DNM1L: variants seen among roughly 807,000 people sequenced by gnomAD.
DNM1L encodes the protein dynamin 1L.
DNM1L carries 33 observed loss-of-function variants against 92.8 expected under a neutral mutation model. The ratio of observed to expected loss-of-function variants is 0.36; its 90% CI spans 0.27 to 0.48. The LOEUF is 0.48. Ranked by LOEUF, DNM1L falls within the 20% of genes least tolerant of loss-of-function variation. The probability of loss-of-function intolerance (pLI) is 0.99; values close to 1 mark genes in which losing one functional copy is unlikely to be tolerated. For missense variants in DNM1L, 485 were observed against 888.8 expected (o/e 0.55, Z 5.78); for synonymous variants, 284 against 305.0 (o/e 0.93, Z 0.72).
At chr12:32,734,269 A>C (rs867820721) in intron 13 of DNM1L, among the ~76,000 whole-genome samples, 5 of 152,212 alleles carry the variant, frequency 3.3e-5, no homozygotes, top group East Asian at 1.9e-4. Flanking sequence ...TTAATGTAAC[A>C]AATTGAATAA....
rs866495674 is a variant in DNM1L at position 32,716,732 on chromosome 12, A to T, written c.620-1911A>T. ...TATACTATATATAGAGTATATATAC[A>T]CTATATATAGTATATATATATATAT... On this transcript the variant is annotated intron_variant, in intron 6 of 19. Coordinates refer to ENST00000549701, the MANE Select transcript of DNM1L (RefSeq NM_012062.5). Among the ~76,000 whole-genome samples the T allele has an allele frequency of 1.7e-3, 230 of 135,790 alleles. 2 individuals are homozygous for T. The highest frequency in any genetic ancestry group is 6.3e-3 in the African/African-American group (219 of 34,814). 89.1% of individuals were successfully genotyped at this position (135,790 alleles called of 152,430 possible).
At chr12:32,741,673 T>G (rs987121840) in intron 18 of DNM1L, among the ~76,000 whole-genome samples, 1 of 152,224 alleles carries the variant, frequency 6.6e-6, no homozygotes, top group Non-Finnish European at 1.5e-5. Context: ...GACCACGTAT[T>G]TGAATGTGTT....
At chr12:32,689,646 A>G (rs953994837) in intron 1 of DNM1L, among the ~76,000 whole-genome samples, 2 of 149,916 alleles carry the variant, frequency 1.3e-5, no homozygotes, top group African/African-American at 5.0e-5. Context: ...TATGTTTACT[A>G]TATTAATATC....
chr12:32,724,174 C>A (rs1565525665), intron 9 of DNM1L, among the ~76,000 whole-genome samples: 1 of 152,150 alleles, frequency 6.6e-6, no homozygotes, highest in Non-Finnish European at 1.5e-5. Flanking sequence ...ACTTTAATCT[C>A]ATGACTACAA....
chr12:32,734,331 T>C (rs1954737401), intron 13 of DNM1L, among the ~76,000 whole-genome samples: 1 of 151,958 alleles, frequency 6.6e-6, no homozygotes, highest in Non-Finnish European at 1.5e-5. Context: ...CCAGAAGCCA[T>C]TTTTTTTCTC....
At chr12:32,702,007 G>A (rs116328636) in intron 2 of DNM1L, among the ~76,000 whole-genome samples, 1,886 of 150,036 alleles carry the variant, frequency 0.013, 39 homozygotes, top group African/African-American at 0.036. Context: ...ATCACAAGGC[G>A]GGTGGATCAC....
intron 6 of DNM1L, among the ~76,000 whole-genome samples, chr12:32,714,171 C>T (rs901174307): frequency 1.3e-5 from 2 of 152,030 alleles, no homozygotes; most frequent in African/African-American, 4.8e-5. Flanking sequence ...TTTTCTTTCC[C>T]TGCTTTGAAG....
rs373909074 is a variant in DNM1L at position 32,733,821 on chromosome 12, T to C, written c.1539+14T>C. ...AATAATATAGAGGTAAATATAATTCTTAAATGCTTTTTCACAGGTAGAAAA... is the reference window on the plus strand; with the variant it reads ...AATAATATAGAGGTAAATATAATTCCTAAATGCTTTTTCACAGGTAGAAAA... On this transcript the variant is annotated intron_variant, in intron 13 of 19. Transcript: ENST00000549701. 1 of 1,607,644 alleles carries C rather than the reference T, an allele frequency of 6.2e-7. No individual in the cohort carries two copies. The highest frequency in any genetic ancestry group is 8.5e-7 in the Non-Finnish European group (1 of 1,174,388).
intron 1 of DNM1L, among the ~76,000 whole-genome samples, chr12:32,683,701 C>T (rs556391854): frequency 9.2e-5 from 14 of 152,030 alleles, no homozygotes; most frequent in Middle Eastern, 3.4e-3. Context: ...CATGCCACCA[C>T]GCCCAGCTAA....
intron 9 of DNM1L, among the ~76,000 whole-genome samples, chr12:32,726,165 C>T (rs1273849877): frequency 6.6e-6 from 1 of 151,966 alleles, no homozygotes; most frequent in Admixed American, 6.6e-5. Context: ...AGCGAATGAA[C>T]ATGTGTGACA....
intron 1 of DNM1L, among the ~76,000 whole-genome samples, chr12:32,683,087 A>G (rs1951868141): frequency 6.6e-6 from 1 of 152,224 alleles, no homozygotes; most frequent in African/African-American, 2.4e-5. Flanking sequence ...CAATATAGGT[A>G]TCCGAATACA....
At chr12:32,687,827 A>G (rs1448141027) in intron 1 of DNM1L, among the ~76,000 whole-genome samples, 4 of 152,112 alleles carry the variant, frequency 2.6e-5, no homozygotes, top group African/African-American at 9.7e-5. Context: ...TTTGGAGTAT[A>G]TTTAAAATTT....
At position 32,686,979 on chromosome 12, in the gene DNM1L, C is replaced by T. The variant is rs1483455783; in HGVS notation, c.102+7514C>T. On this transcript the variant is annotated intron_variant, in intron 1 of 19. Transcript: ENST00000549701. ...TTTGAGATGGAGTCTCGCTCTGTTG[C>T]CCAGGTGGCCAGGCTGGTCTTGAAC... Among the ~76,000 whole-genome samples, 4 of 130,242 alleles carry T rather than the reference C, an allele frequency of 3.1e-5. No individual in the cohort carries two copies. In the Admixed American group the frequency reaches 3.6e-4, roughly 12 times the overall value. 85.4% of individuals were successfully genotyped at this position (130,242 alleles called of 152,430 possible).
At chr12:32,741,745 T>C (rs1489377643) in intron 18 of DNM1L, among the ~76,000 whole-genome samples, 3 of 152,228 alleles carry the variant, frequency 2.0e-5, no homozygotes, top group Non-Finnish European at 4.4e-5. Flanking sequence ...ACACAAATAC[T>C]ATTGTGTTAC....
At chr12:32,707,160 C>T (rs570002436) in intron 2 of DNM1L, 12 of 479,994 alleles carry the variant, frequency 2.5e-5, no homozygotes, top group Non-Finnish European at 3.7e-5. Flanking sequence ...TTTTGAAATA[C>T]ACCATACAAT....
chr12:32,717,371 TA>T (rs1953482418), intron 6 of DNM1L, among the ~76,000 whole-genome samples: 2 of 78,332 alleles, frequency 2.6e-5, no homozygotes, highest in Non-Finnish European at 4.7e-5. Context: ...ATATAATATA[TA>T]TACTATATAT....
intron 1 of DNM1L, among the ~76,000 whole-genome samples, chr12:32,686,564 T>C (rs750384336): frequency 3.9e-5 from 6 of 152,222 alleles, no homozygotes; most frequent in Non-Finnish European, 7.3e-5. Flanking sequence ...AATTGGGTTG[T>C]TTCTGCCTTT....
intron 1 of DNM1L, among the ~76,000 whole-genome samples, chr12:32,693,175 C>G (rs375674450): frequency 1.3e-5 from 2 of 152,246 alleles, no homozygotes; most frequent in African/African-American, 4.8e-5. Flanking sequence ...TCTGTACTTT[C>G]TATAGTCACA....
intron 1 of DNM1L, 150 bp downstream of exon 1, chr12:32,679,615 C>T (rs1170976977): frequency 8.7e-5 from 119 of 1,360,976 alleles, no homozygotes; most frequent in Non-Finnish European, 1.0e-4. Context: ...CCCCAGGGCT[C>T]TCCGGGCTCT....
Sources: allele counts gnomAD v4.1 joint callset (sites outside exome capture counted in the v4.1 genomes callset), GRCh38; gene constraint gnomAD v4.1.1; transcripts MANE v1.5; gene names NCBI Gene and HGNC (gene_info 2026-07-23, HGNC 2026-07-21).